The following TLDC2 variants were observed in gnomAD, a reference collection of about 807,000 sequenced individuals.
The protein encoded by TLDC2 is TLD domain-containing protein 2.
TLDC2 carries 23 observed loss-of-function variants against 27.9 expected under a neutral mutation model. The ratio of observed to expected loss-of-function variants is 0.82; its 90% CI spans 0.59 to 1.17. The LOEUF (loss-of-function observed/expected upper bound fraction) is 1.17, where lower values mean the gene tolerates loss of function less well. Among genes scored for constraint, TLDC2 ranks in the 50% most tolerant of loss-of-function variants. The pLI, the probability that TLDC2 is intolerant of heterozygous loss-of-function variation, is 0.00. For missense variants in TLDC2, 286 were observed against 273.4 expected, an observed-to-expected ratio of 1.05 and a Z score of -0.32; for synonymous variants, 124 against 107.4, an observed-to-expected ratio of 1.16 and a Z score of -0.96.
rs138222765 is a variant in TLDC2, at chr20:36,887,478, C to G, written c.462C>G (p.Asn154Lys). Reference sequence around the variant, plus strand: ...AGGTCTTTAAGTGGACTGGAAGCAACTCTTTCTTTGTGAAGGGAGACTTGG... The same window carrying G: ...AGGTCTTTAAGTGGACTGGAAGCAAGTCTTTCTTTGTGAAGGGAGACTTGG... ...QLKVFKWTGS[N>K]SFFVKGDLDS... Residue 154 changes from asparagine (N) to lysine (K), a missense_variant, in exon 5 of 7, where the codon AAC (asparagine) becomes AAG (lysine). By Grantham distance (94) the Asn-to-Lys change is moderately conservative. Transcript: ENST00000217320. 6.2e-7 allele frequency: 1 copy of G among 1,614,152 alleles called. No homozygotes were observed. The highest frequency in any genetic ancestry group is 1.3e-5 in the African/African-American group (1 of 75,042).
intron 5 of TLDC2, 121 bp downstream of exon 5, chr20:36,887,649 C>A: frequency 2.2e-6 from 2 of 914,810 alleles, no homozygotes; most frequent in Non-Finnish European, 1.8e-6. Context: ...AACTCTCAGG[C>A]CGTTCCCCTC....
chr20:36,879,836 T>G (rs1989760338), intron 3 of TLDC2, among the ~76,000 whole-genome samples: 1 of 148,560 alleles, frequency 6.7e-6, no homozygotes, highest in Non-Finnish European at 1.5e-5. Flanking sequence ...CAGTGAGCCA[T>G]GATCACACCA....
At chr20:36,884,947 C>T (rs1325259727) in intron 4 of TLDC2, among the ~76,000 whole-genome samples, 1 of 137,812 alleles carries the variant, frequency 7.3e-6, no homozygotes, top group Non-Finnish European at 1.5e-5. Context: ...GGGGCAATCT[C>T]AGCTCACTGC....
At position 36,893,052 on chromosome 20, in the gene TLDC2, T is replaced by A; in HGVS notation, c.*208T>A. ...TTTTTTGAGGTGTTATGAGTGGGGCTATAACATCGCCATCCTATTAGGAAG... is the reference window on the plus strand; with the variant it reads ...TTTTTTGAGGTGTTATGAGTGGGGCAATAACATCGCCATCCTATTAGGAAG... On this transcript the variant is annotated 3_prime_UTR_variant, in exon 7 of 7. Coordinates refer to ENST00000217320, the MANE Select transcript of TLDC2 (RefSeq NM_080628.3). 6.2e-7 allele frequency: 1 copy of A among 1,613,620 alleles called. No individual in the cohort carries two copies. Among genetic ancestry groups the A allele is most frequent in the Non-Finnish European group, 8.5e-7 (1 of 1,180,012 alleles).
intron 6 of TLDC2, chr20:36,891,713 A>T (rs1240580873): frequency 2.0e-5 from 3 of 151,816 alleles, no homozygotes; most frequent in Non-Finnish European, 4.4e-5. Flanking sequence ...TTGGAGATGG[A>T]GTCTCACTCT....
intron 4 of TLDC2, among the ~76,000 whole-genome samples, chr20:36,884,808 AC>A (rs1383761950): frequency 7.2e-6 from 1 of 139,770 alleles, no homozygotes; most frequent in Non-Finnish European, 1.6e-5. Context: ...AAATGACAAC[AC>A]CCAGCCCTAG....
chr20:36,880,155 G>A (rs2148345190), intron 3 of TLDC2, among the ~76,000 whole-genome samples: 1 of 144,806 alleles, frequency 6.9e-6, no homozygotes, highest in African/African-American at 2.5e-5. Flanking sequence ...GTGTAGTGGT[G>A]CAATCTTGGC....
chr20:36,881,284 A>G (rs1414696701), intron 4 of TLDC2, among the ~76,000 whole-genome samples: 1 of 152,006 alleles, frequency 6.6e-6, no homozygotes, highest in African/African-American at 2.4e-5. Context: ...AGAGGCTGAT[A>G]CGGGAGGATC....
chr20:36,887,962 A>G (rs1989960698), intron 5 of TLDC2, among the ~76,000 whole-genome samples: 2 of 152,084 alleles, frequency 1.3e-5, no homozygotes, highest in Admixed American at 1.3e-4. Flanking sequence ...TGACCTTCAC[A>G]TTCAGGGGGC....
intron 6 of TLDC2, chr20:36,892,653 G>C (rs1332541022): frequency 8.6e-6 from 4 of 467,596 alleles, no homozygotes; most frequent in Admixed American, 3.4e-5. Flanking sequence ...ATAGAGTTCA[G>C]AATAGATAAA....
intron 1 of TLDC2, 72 bp downstream of exon 1, chr20:36,876,279 C>G: frequency 6.2e-7 from 1 of 1,601,268 alleles, no homozygotes; most frequent in Admixed American, 1.7e-5. Context: ...CAGGGTGGGG[C>G]CTGGGCTAGG....
rs139313719 is a variant in TLDC2 at position 36,876,284 on chromosome 20, G to A, written c.33+77G>A. ...AGGTCTCTGGCAGGGTGGGGCCTGG[G>A]CTAGGGTTGGATGCGGGCAGTGACT... is the stretch of plus-strand genomic sequence containing the variant. On this transcript the variant is annotated intron_variant, in intron 1 of 6. Coordinates refer to ENST00000217320, the MANE Select transcript of TLDC2 (RefSeq NM_080628.3). The A allele has an allele frequency of 1.8e-5, 28 of 1,595,928 alleles. No homozygotes were observed. In the East Asian group the frequency reaches 5.1e-4, roughly 29 times the overall value.
In TLDC2 at chr20:36,892,948, T is replaced by C. The variant is rs1168555778; in HGVS notation, c.*104T>C. Reference sequence around the variant, plus strand: ...TACAGACATTCACATTGGGTCATCTTTAAAAAGCTGGACTCTGCTTTTGGA... The same window carrying C: ...TACAGACATTCACATTGGGTCATCTCTAAAAAGCTGGACTCTGCTTTTGGA... On this transcript the variant is annotated 3_prime_UTR_variant, in exon 7 of 7. Coordinates refer to ENST00000217320, the MANE Select transcript of TLDC2 (RefSeq NM_080628.3). The C allele has an allele frequency of 6.2e-7, 1 of 1,613,968 alleles. No homozygotes were observed. Among genetic ancestry groups the C allele is most frequent in the Non-Finnish European group, 8.5e-7 (1 of 1,180,032 alleles).
In TLDC2 at chr20:36,876,196, T is replaced by C; in HGVS notation, c.22T>C (p.Tyr8His). Residue 8 changes from tyrosine (Y) to histidine (H), a missense_variant, in exon 1 of 7, where the codon TAC becomes CAC. By Grantham distance (83) the Tyr-to-His change is moderately conservative. Coordinates refer to ENST00000217320, the MANE Select transcript of TLDC2 (RefSeq NM_080628.3). ...GAGAATGAGAGGCCTCCGCTGGCGT[T>C]ACACTCGGCTGGTAAGGGTTCCAAC... Reference protein sequence around the residue: MRGLRWRYTRLPSQVEDT... With the variant: MRGLRWRHTRLPSQVEDT... The C allele has an allele frequency of 6.2e-7, 1 of 1,614,166 alleles. No homozygotes were observed. Among genetic ancestry groups the C allele is most frequent in the Middle Eastern group, 1.6e-4 (1 of 6,062 alleles).
At chr20:36,883,179 C>T (rs1258760751) in intron 4 of TLDC2, among the ~76,000 whole-genome samples, 1 of 151,678 alleles carries the variant, frequency 6.6e-6, no homozygotes, top group Admixed American at 6.6e-5. Context: ...CTCTGTCACC[C>T]GGGCTGGAGG....
chr20:36,878,757 T>C (rs1989732164), intron 2 of TLDC2, among the ~76,000 whole-genome samples: 1 of 151,832 alleles, frequency 6.6e-6, no homozygotes, highest in Admixed American at 6.6e-5. Flanking sequence ...CTGAGAGTCC[T>C]GACCTGGGTT....
chr20:36,879,131 T>A lies in TLDC2; in HGVS notation c.280T>A (p.Tyr94Asn). ...SRDGFSLQSL[Y>N]RRMEGCSGPV... ...GGACGGTTTCAGCCTGCAGAGCCTG[T>A]ACCGGCGGATGGAGGGCTGCAGCGG... Residue 94 changes from tyrosine (Y) to asparagine (N), a missense_variant, in exon 3 of 7, where the codon TAC (tyrosine) becomes AAC (asparagine). Tyr to Asn is a moderately radical substitution (Grantham distance 143). Transcript: ENST00000217320. 1 of 1,614,104 alleles carries A rather than the reference T, an allele frequency of 6.2e-7. No homozygotes were observed. The highest frequency in any genetic ancestry group is 8.5e-7 in the Non-Finnish European group (1 of 1,180,022).
chr20:36,878,310 G>A, intron 2 of TLDC2, among the ~76,000 whole-genome samples: 1 of 152,204 alleles, frequency 6.6e-6, no homozygotes, highest in East Asian at 1.9e-4. Context: ...GACGGGCGCG[G>A]TGGCTCACGC....
Position 36,893,920 on chromosome 20 carries a change from T to TG in TLDC2, c.*1078dup, listed in dbSNP as rs1990142934. On this transcript the variant is annotated 3_prime_UTR_variant, in exon 7 of 7. Coordinates refer to ENST00000217320, the MANE Select transcript of TLDC2 (RefSeq NM_080628.3). ...GTTAGATTTGGTCAGTGGGAGGCTC[T>TG]GGTGGGAGACTGGAGGTGAGAAGAG... is the stretch of plus-strand genomic sequence containing the variant. 2.5e-6 allele frequency: 1 copy of TG among 398,610 alleles called. No homozygotes were observed. The highest frequency in any genetic ancestry group is 4.4e-6 in the Non-Finnish European group (1 of 226,094). The allele number at this position is 398,610 out of a possible 1,614,324, so 24.7% of individuals were successfully genotyped here.
Sources: allele counts gnomAD v4.1 joint callset (sites outside exome capture counted in the v4.1 genomes callset), GRCh38; gene constraint gnomAD v4.1.1; transcripts MANE v1.5; gene names NCBI Gene and HGNC (gene_info 2026-07-23, HGNC 2026-07-21).